The following PCDH7 variants were observed in gnomAD, a reference collection of about 807,000 sequenced individuals.
The protein encoded by PCDH7 is protocadherin-7.
Under a neutral mutation model 58.9 loss-of-function variants are expected in PCDH7, and 17 were observed. The observed-to-expected ratio is 0.29, with a 90% CI of 0.20 to 0.43. The LOEUF (loss-of-function observed/expected upper bound fraction) is 0.43. Ranked by LOEUF, PCDH7 falls within the 20% of genes least tolerant of loss-of-function variation. The probability of loss-of-function intolerance (pLI) is 1.00; values close to 1 mark genes in which losing one functional copy is unlikely to be tolerated. For missense variants in PCDH7, 1,274 were observed against 1,441.0 expected (o/e 0.88, Z 1.88); for synonymous variants, 664 against 616.4 (o/e 1.08, Z -1.14).
intron 2 of PCDH7, among the ~76,000 whole-genome samples, chr4:30,936,845 A>G (rs1196884377): frequency 1.3e-5 from 2 of 152,092 alleles, no homozygotes; most frequent in Non-Finnish European, 2.9e-5. Context: ...ATCATGAGCC[A>G]ATTAAAGAAA....
intron 1 of PCDH7, among the ~76,000 whole-genome samples, chr4:30,900,750 T>G (rs920159748): frequency 6.6e-5 from 10 of 152,178 alleles, no homozygotes; most frequent in Non-Finnish European, 1.5e-4. Context: ...TGCTTCATAG[T>G]GCTGTCTAGT....
chr4:31,027,634 G>A (rs984160208), intron 3 of PCDH7, among the ~76,000 whole-genome samples: 3 of 152,030 alleles, frequency 2.0e-5, no homozygotes, highest in Non-Finnish European at 4.4e-5. Flanking sequence ...TGTTGGCCAG[G>A]ATAGCTTCAA....
chr4:30,744,498 A>G (rs577191007), intron 1 of PCDH7, among the ~76,000 whole-genome samples: 2 of 152,174 alleles, frequency 1.3e-5, no homozygotes, highest in Non-Finnish European at 2.9e-5. Flanking sequence ...GTTCCATTAC[A>G]CTAGTAGTAT....
intron 3 of PCDH7, among the ~76,000 whole-genome samples, chr4:31,083,897 A>C (rs1328835052): frequency 6.6e-6 from 1 of 152,186 alleles, no homozygotes; most frequent in Non-Finnish European, 1.5e-5. Context: ...ATAAATAGGA[A>C]ATGCTTAATA....
chr4:31,009,194 C>A (rs2109149192), intron 3 of PCDH7, among the ~76,000 whole-genome samples: 1 of 152,090 alleles, frequency 6.6e-6, no homozygotes, highest in South Asian at 2.1e-4. Context: ...TGTAAAATGG[C>A]AGATCAGCTT....
chr4:31,052,572 A>G (rs1454970118), intron 3 of PCDH7, among the ~76,000 whole-genome samples: 1 of 152,178 alleles, frequency 6.6e-6, no homozygotes, highest in African/African-American at 2.4e-5. Flanking sequence ...CCCTCAAGAC[A>G]CTGTCCCAAA....
At chr4:30,780,510 GAA>G (rs570945808) in intron 1 of PCDH7, among the ~76,000 whole-genome samples, 7 of 107,140 alleles carry the variant, frequency 6.5e-5, no homozygotes, top group Admixed American at 1.9e-4. Context: ...CCGTCGAAAA[GAA>G]AAAAAAAAAA....
intron 3 of PCDH7, among the ~76,000 whole-genome samples, chr4:30,998,320 C>T (rs754149007): frequency 4.6e-5 from 7 of 151,998 alleles, no homozygotes; most frequent in African/African-American, 1.2e-4. Context: ...ATGAGTTATT[C>T]GATAACTTTC....
At chr4:31,121,547 G>A (rs1717694014) in intron 3 of PCDH7, among the ~76,000 whole-genome samples, 1 of 152,052 alleles carries the variant, frequency 6.6e-6, no homozygotes, top group Admixed American at 6.5e-5. Flanking sequence ...TTATCTTTGT[G>A]GACTTTTTAT....
chr4:30,864,364 A>G (rs770090880), intron 1 of PCDH7, among the ~76,000 whole-genome samples: 1 of 151,860 alleles, frequency 6.6e-6, no homozygotes, highest in Non-Finnish European at 1.5e-5. Flanking sequence ...CTCAAATTTA[A>G]TAAGCAGTTA....
intron 1 of PCDH7, among the ~76,000 whole-genome samples, chr4:30,899,532 G>C (rs1739925850): frequency 6.6e-6 from 1 of 152,094 alleles, no homozygotes; most frequent in Admixed American, 6.6e-5. Flanking sequence ...ATCTGCTGCT[G>C]GTTTCATTTA....
chr4:30,977,703 C>T (rs758851130), intron 3 of PCDH7, among the ~76,000 whole-genome samples: 1 of 152,078 alleles, frequency 6.6e-6, no homozygotes, highest in Non-Finnish European at 1.5e-5. Context: ...TTGTCCTTTC[C>T]TCTTCATAGT....
Position 30,923,076 on chromosome 4 carries a change from G to A in PCDH7, c.287+2707G>A, listed in dbSNP as rs6840698. 6.7e-3 allele frequency among the ~76,000 whole-genome samples: 1,020 copies of A among 151,990 alleles called. 7 individuals carry two copies. Among genetic ancestry groups the A allele is most frequent in the African/African-American group, 0.021 (855 of 41,474 alleles). ...TTTTGCTTGGCTAGGTTTTAATCAG[G>A]ATTTGTATTGGATTTTCATTTGGAT... On this transcript the variant is annotated intron_variant, in intron 2 of 3. Transcript: ENST00000509759.
intron 3 of PCDH7, among the ~76,000 whole-genome samples, chr4:31,126,089 T>A (rs189272781): frequency 1.3e-5 from 2 of 151,882 alleles, no homozygotes; most frequent in Admixed American, 1.3e-4. Context: ...AATATACAAC[T>A]AGTCTATTTC....
intron 3 of PCDH7, among the ~76,000 whole-genome samples, chr4:30,980,763 A>G (rs1750483597): frequency 1.3e-5 from 2 of 152,210 alleles, no homozygotes; most frequent in Non-Finnish European, 2.9e-5. Context: ...AGTGAAATCA[A>G]TTTTCGTTAA....
Position 30,857,361 on chromosome 4 carries a change from A to G in PCDH7, c.71-62792A>G, listed in dbSNP as rs117922217. 7.2e-5 allele frequency among the ~76,000 whole-genome samples: 11 copies of G among 152,214 alleles called. No individual in the cohort carries two copies. In the East Asian group the frequency reaches 2.1e-3, roughly 29 times the overall value. On this transcript the variant is annotated intron_variant, in intron 1 of 3. Transcript: ENST00000509759. Reference sequence around the variant, plus strand: ...TGACATAGAGAAGTTAACTCCCCTCACTCGGAGCATCTTATTTGTTAAAGA... The same window carrying G: ...TGACATAGAGAAGTTAACTCCCCTCGCTCGGAGCATCTTATTTGTTAAAGA...
intron 1 of PCDH7, among the ~76,000 whole-genome samples, chr4:30,865,920 A>G (rs910490801): frequency 1.3e-5 from 2 of 152,094 alleles, no homozygotes; most frequent in African/African-American, 4.8e-5. Context: ...TAGCAGATGC[A>G]TTCTTATCCT....
chr4:30,722,844 C>G lies in PCDH7; in HGVS notation c.1422C>G (p.Ser474Arg). 1 of 1,613,670 alleles carries G rather than the reference C, an allele frequency of 6.2e-7. No individual in the cohort carries two copies. Among genetic ancestry groups the G allele is most frequent in the Non-Finnish European group, 8.5e-7 (1 of 1,180,020 alleles). Residue 474 changes from serine to arginine, a missense_variant, in exon 1 of 2, where the codon AGC becomes AGG. Physicochemically the swap from Ser to Arg is moderately radical, Grantham distance 110. This residue lies in a region of PCDH7 where 731 missense variants were observed against 881.9 expected (regional missense o/e 0.83). Coordinates refer to ENST00000361762, the Ensembl canonical transcript of PCDH7. The surrounding 1 kb of genome is among the most constrained non-coding windows in gnomAD (Gnocchi z 7.6). ...TGCCCTTCCAGCTCAAGCCAGCCAG[C>G]GACACCGAGGGCGACCAGAACAAGA...
chr4:30,955,406 G>T (rs1747750367), intron 3 of PCDH7, among the ~76,000 whole-genome samples: 1 of 152,046 alleles, frequency 6.6e-6, no homozygotes, highest in African/African-American at 2.4e-5. Flanking sequence ...AGAATAGTCT[G>T]TGTTGTGAAA....
Sources: allele counts gnomAD v4.1 joint callset (sites outside exome capture counted in the v4.1 genomes callset), GRCh38; gene constraint gnomAD v4.1.1; regional missense constraint gnomAD v4.1.1; non-coding constraint Gnocchi (gnomAD v3.1); transcripts MANE v1.5; gene names NCBI Gene and HGNC (gene_info 2026-07-23, HGNC 2026-07-21).